Variants in GRIA4 observed in about 807,000 individuals in gnomAD.
GRIA4 encodes the protein glutamate receptor 4.
Under a neutral mutation model 104.0 loss-of-function variants are expected in GRIA4, and 34 were observed. That is an observed-to-expected ratio of 0.33 (90% CI 0.25 to 0.44). The LOEUF (loss-of-function observed/expected upper bound fraction) is 0.44, where lower values mean the gene tolerates loss of function less well. Ranked by LOEUF, GRIA4 falls within the 20% of genes least tolerant of loss-of-function variation. The pLI is 1.00. For synonymous variants in GRIA4, 386 were observed against 381.9 expected (o/e 1.01, Z -0.13); for missense variants, 750 against 1,096.5 (o/e 0.68, Z 4.46).
chr11:105,680,918 T>C (rs1952689704), intron 3 of GRIA4, among the ~76,000 whole-genome samples: 1 of 152,172 alleles, frequency 6.6e-6, no homozygotes, highest in African/African-American at 2.4e-5. Flanking sequence ...ACTTTGCTCA[T>C]ACATTACAAC....
chr11:105,811,508 C>T (rs960770988), intron 4 of GRIA4, among the ~76,000 whole-genome samples: 2 of 151,964 alleles, frequency 1.3e-5, no homozygotes, highest in Non-Finnish European at 1.5e-5. Context: ...TGGAATTGCT[C>T]AGTCTGGGGA....
In GRIA4 at chr11:105,692,407, G is replaced by A. The variant is rs1953122330; in HGVS notation, c.248-60574G>A. On this transcript the variant is annotated intron_variant, in intron 3 of 16. Coordinates refer to ENST00000282499, the MANE Select transcript of GRIA4 (RefSeq NM_000829.4). ...AGATATGTTATATGAACTGGGACATGTTAAATATCACTGGAACATATGCTA... is the reference window on the plus strand; with the variant it reads ...AGATATGTTATATGAACTGGGACATATTAAATATCACTGGAACATATGCTA... 3.9e-5 allele frequency among the ~76,000 whole-genome samples: 6 copies of A among 152,260 alleles called. No individual in the cohort carries two copies. In the South Asian group the frequency reaches 1.2e-3, roughly 32 times the overall value.
At chr11:105,878,883 C>T (rs1945939559) in intron 5 of GRIA4, among the ~76,000 whole-genome samples, 1 of 152,204 alleles carries the variant, frequency 6.6e-6, no homozygotes, top group Admixed American at 6.5e-5. Context: ...TTCAGCCCCC[C>T]TTTCCAGAGG....
chr11:105,731,033 T>G (rs1056781754), intron 3 of GRIA4, among the ~76,000 whole-genome samples: 1 of 152,096 alleles, frequency 6.6e-6, no homozygotes, highest in Admixed American at 6.5e-5. Flanking sequence ...AAATGGGATC[T>G]AACTAAACTA....
intron 10 of GRIA4, chr11:105,913,489 A>T (rs1947314833): frequency 3.4e-6 from 2 of 581,230 alleles, no homozygotes; most frequent in African/African-American, 4.0e-5. Flanking sequence ...AAAATCAATA[A>T]AATTTATAAG....
At chr11:105,659,655 C>A (rs1487323771) in intron 3 of GRIA4, among the ~76,000 whole-genome samples, 1 of 151,872 alleles carries the variant, frequency 6.6e-6, no homozygotes, top group African/African-American at 2.4e-5. Context: ...CCCAAAAGCT[C>A]CTGACATACA....
chr11:105,863,731 A>G (rs1945309817), intron 5 of GRIA4, among the ~76,000 whole-genome samples: 1 of 152,140 alleles, frequency 6.6e-6, no homozygotes, highest in African/African-American at 2.4e-5. Flanking sequence ...AACTGCCTGG[A>G]TTGCCAAGTT....
chr11:105,692,674 A>G (rs1054422786), intron 3 of GRIA4, among the ~76,000 whole-genome samples: 8 of 152,250 alleles, frequency 5.3e-5, no homozygotes, highest in Non-Finnish European at 7.3e-5. Flanking sequence ...TTCTAGGGAT[A>G]TGGAATTGTG....
intron 4 of GRIA4, among the ~76,000 whole-genome samples, chr11:105,849,520 G>A (rs868182477): frequency 2.0e-5 from 3 of 152,166 alleles, no homozygotes; most frequent in South Asian, 4.1e-4. Context: ...GGCATCAATT[G>A]GAGTGGTCAA....
Position 105,938,562 on chromosome 11 carries a change from C to A in GRIA4, c.2294+4593C>A, listed in dbSNP as rs569769644. Among the ~76,000 whole-genome samples the A allele has an allele frequency of 5.9e-5, 9 of 152,120 alleles. No individual in the cohort carries two copies. The South Asian group carries it at 1.7e-3, about 28-fold the overall frequency. Reference sequence around the variant, plus strand: ...AGAGATATATCTTTGCTTATGAATACCCTTCATTTTTAGTGCCATATTAAA... The same window carrying A: ...AGAGATATATCTTTGCTTATGAATAACCTTCATTTTTAGTGCCATATTAAA... On this transcript the variant is annotated intron_variant, in intron 14 of 16. Coordinates refer to ENST00000282499, the MANE Select transcript of GRIA4 (RefSeq NM_000829.4).
intron 3 of GRIA4, among the ~76,000 whole-genome samples, chr11:105,650,919 T>G (rs1197374567): frequency 6.6e-6 from 1 of 152,192 alleles, no homozygotes; most frequent in African/African-American, 2.4e-5. Flanking sequence ...CTAGCAAGAT[T>G]ATATCGGTCA....
At chr11:105,862,243 CT>C in intron 5 of GRIA4, 35 bp downstream of exon 5, 1 of 1,235,048 alleles carries the variant, frequency 8.1e-7, no homozygotes, top group Non-Finnish European at 1.2e-6. Context: ...AACCTAGACC[CT>C]ATACAGAAAA....
At chr11:105,643,471 C>A (rs1055619477) in intron 3 of GRIA4, among the ~76,000 whole-genome samples, 1 of 152,140 alleles carries the variant, frequency 6.6e-6, no homozygotes, top group African/African-American at 2.4e-5. Flanking sequence ...TCTATTTTTA[C>A]CCCATGTTTC....
At chr11:105,855,982 G>A (rs1591356582) in intron 4 of GRIA4, among the ~76,000 whole-genome samples, 2 of 152,084 alleles carry the variant, frequency 1.3e-5, no homozygotes, top group African/African-American at 2.4e-5. Context: ...TCTGAAAATA[G>A]AAGTAGAATG....
At chr11:105,688,166 C>A (rs1477175959) in intron 3 of GRIA4, among the ~76,000 whole-genome samples, 1 of 147,912 alleles carries the variant, frequency 6.8e-6, no homozygotes, top group Non-Finnish European at 1.5e-5. Context: ...CTCTATCTAT[C>A]TATCTATCTA....
At chr11:105,848,156 T>C (rs1944663325) in intron 4 of GRIA4, among the ~76,000 whole-genome samples, 1 of 152,194 alleles carries the variant, frequency 6.6e-6, no homozygotes, top group South Asian at 2.1e-4. Context: ...AACATTTGCT[T>C]ATTATTTGTT....
Position 105,691,935 on chromosome 11 carries a change from C to CAAAA in GRIA4, c.248-61029_248-61026dup, listed in dbSNP as rs202074069. ...GGGCTACAAGAGCAAAACTCCGTCT[C>CAAAA]AAAAAAAAAAAAAAAAAAAAGTAAA... On this transcript the variant is annotated intron_variant, in intron 3 of 16. Coordinates refer to ENST00000282499, the MANE Select transcript of GRIA4 (RefSeq NM_000829.4). Among the ~76,000 whole-genome samples the CAAAA allele has an allele frequency of 4.9e-3, 374 of 75,884 alleles. 4 individuals are homozygous for CAAAA. The highest frequency in any genetic ancestry group is 0.011 in the African/African-American group (197 of 18,532). The allele number at this position is 75,884 out of a possible 152,430, so 49.8% of individuals were successfully genotyped here.
intron 4 of GRIA4, among the ~76,000 whole-genome samples, chr11:105,855,033 C>T (rs1240783517): frequency 6.6e-6 from 1 of 152,154 alleles, no homozygotes; most frequent in Non-Finnish European, 1.5e-5. Context: ...TACATTACTC[C>T]AGCAGCCTGC....
intron 14 of GRIA4, among the ~76,000 whole-genome samples, chr11:105,967,958 T>C (rs1033705315): frequency 1.3e-5 from 2 of 152,194 alleles, no homozygotes; most frequent in African/African-American, 4.8e-5. Context: ...TGGCCTGATC[T>C]TCATCAAAAG....
Sources: gnomAD v4.1 joint callset for allele counts (sites outside exome capture counted in the v4.1 genomes callset) on GRCh38, gnomAD v4.1.1 for gene constraint, MANE v1.5 for transcripts, NCBI Gene and HGNC (gene_info 2026-07-23, HGNC 2026-07-21) for gene names.